The following NSUN6 variants were observed in gnomAD, a reference collection of about 807,000 sequenced individuals.
NSUN6 encodes the protein NOP2/Sun RNA methyltransferase 6.
In NSUN6, 64 loss-of-function variants were observed where a neutral mutation model predicts 58.0. The observed-to-expected ratio is 1.10, with a 90% CI of 0.90 to 1.36. The LOEUF is 1.36. Among genes scored for constraint, NSUN6 ranks in the 40% most tolerant of loss-of-function variants. The pLI, the probability that NSUN6 is intolerant of heterozygous loss-of-function variation, is 0.00. For missense variants in NSUN6, 701 were observed against 550.1 expected (o/e 1.27, Z -2.74); for synonymous variants, 231 against 193.9 (o/e 1.19, Z -1.59).
At chr10:18,591,630 C>G (rs1166237110) in intron 7 of NSUN6, among the ~76,000 whole-genome samples, 1 of 152,188 alleles carries the variant, frequency 6.6e-6, no homozygotes, top group Non-Finnish European at 1.5e-5. Context: ...ACATGATTAT[C>G]TCAATAGATA....
chr10:18,582,524 G>A (rs2056951432), intron 8 of NSUN6, among the ~76,000 whole-genome samples: 1 of 152,206 alleles, frequency 6.6e-6, no homozygotes, highest in Non-Finnish European at 1.5e-5. Context: ...GAGACAGCGA[G>A]AAGAGCCTTC....
At chr10:18,618,330 C>T (rs1254992825) in intron 3 of NSUN6, among the ~76,000 whole-genome samples, 2 of 152,112 alleles carry the variant, frequency 1.3e-5, no homozygotes, top group Non-Finnish European at 2.9e-5. Context: ...GGTCATTACA[C>T]TTGTGATTAT....
In NSUN6 at chr10:18,546,047, C is replaced by T. The variant is rs1187278385; in HGVS notation, c.1296G>A (p.Pro432=). 8.7e-6 allele frequency: 14 copies of T among 1,602,160 alleles called. No individual in the cohort carries two copies. The highest frequency in any genetic ancestry group is 4.5e-5 in the East Asian group (2 of 44,788). Reference sequence around the variant, plus strand: ...CTCTAAGAGAGTCCATGTCAGTGTCCGGTAATGGCACAGCCGATGGATCAA... The same window carrying T: ...CTCTAAGAGAGTCCATGTCAGTGTCTGGTAATGGCACAGCCGATGGATCAA... ...QRFDPSAVPL[P]DTDMDSLREA... is the part of the protein sequence containing the mutation. The change falls in exon 11 of 11, where the codon CCG becomes CCA. Residue 432 remains proline (P), a synonymous_variant. Transcript: ENST00000377304.
At chr10:18,625,878 G>A (rs2058783377) in intron 3 of NSUN6, among the ~76,000 whole-genome samples, 1 of 152,000 alleles carries the variant, frequency 6.6e-6, no homozygotes, top group African/African-American at 2.4e-5. Context: ...AGTTTTTGGT[G>A]GGCCTTAGAT....
rs1185692398 is a variant in NSUN6 at position 18,650,989 on chromosome 10, T to C, written c.75+140A>G. The C allele has an allele frequency of 7.9e-6, 7 of 885,674 alleles. No individual in the cohort carries two copies. The East Asian group carries it at 1.1e-4, about 14-fold the overall frequency. 54.9% of individuals were successfully genotyped at this position (885,674 alleles called of 1,614,324 possible). ...AAGCTTTAATACCTGTAGAAACATA[T>C]TGGTATTTTTACACTTGATAGACAA... On this transcript the variant is annotated intron_variant, in intron 1 of 10. Coordinates refer to ENST00000377304, the MANE Select transcript of NSUN6 (RefSeq NM_182543.5).
chr10:18,647,412 T>C (rs953714079), intron 2 of NSUN6, among the ~76,000 whole-genome samples: 10 of 152,192 alleles, frequency 6.6e-5, no homozygotes, highest in Non-Finnish European at 1.3e-4. Context: ...CAGCATCTAT[T>C]CTTCTACATC....
intron 6 of NSUN6, among the ~76,000 whole-genome samples, chr10:18,605,992 G>C (rs922217950): frequency 3.0e-4 from 46 of 152,144 alleles, no homozygotes; most frequent in Admixed American, 9.8e-4. Flanking sequence ...AAGTGAGATT[G>C]CTGGATCAGA....
At chr10:18,608,349 A>G (rs978302046) in intron 6 of NSUN6, among the ~76,000 whole-genome samples, 13 of 152,188 alleles carry the variant, frequency 8.5e-5, no homozygotes, top group Admixed American at 3.3e-4. Context: ...TCAAAACTAA[A>G]TAATGACCAG....
chr10:18,585,684 G>C (rs920970533), intron 8 of NSUN6, among the ~76,000 whole-genome samples: 5 of 152,136 alleles, frequency 3.3e-5, no homozygotes, highest in African/African-American at 1.2e-4. Flanking sequence ...ACTGTTCAAA[G>C]GGTACAAAGT....
chr10:18,586,215 C>G, intron 7 of NSUN6, 122 bp from the exon 8 acceptor site: 3 of 744,170 alleles, frequency 4.0e-6, no homozygotes, highest in Non-Finnish European at 6.2e-6. Context: ...ACTCCCATCC[C>G]TAATTTAAAA....
At chr10:18,630,098 C>T (rs910713049) in intron 3 of NSUN6, among the ~76,000 whole-genome samples, 2 of 140,316 alleles carry the variant, frequency 1.4e-5, no homozygotes, top group East Asian at 2.1e-4. Flanking sequence ...GGATTAAGAA[C>T]CTCACTCAAA....
intron 7 of NSUN6, among the ~76,000 whole-genome samples, chr10:18,592,439 C>G (rs956862022): frequency 6.6e-6 from 1 of 152,178 alleles, no homozygotes; most frequent in African/African-American, 2.4e-5. Flanking sequence ...AAGAACAATG[C>G]TGGAGGCATC....
chr10:18,639,287 G>C (rs1005944407), intron 3 of NSUN6, among the ~76,000 whole-genome samples: 6 of 152,166 alleles, frequency 3.9e-5, no homozygotes, highest in African/African-American at 1.4e-4. Flanking sequence ...GAAGTCAGAA[G>C]TTGGAAACCA....
chr10:18,644,332 C>T lies in NSUN6; in HGVS notation c.232-1777G>A, dbSNP rs139218827. ...GACATGATGCCAGAAGTAGAAAATT[C>T]CATACTTGACCCAGACTGGTCAAAG... On this transcript the variant is annotated intron_variant, in intron 2 of 10. Coordinates refer to ENST00000377304, the MANE Select transcript of NSUN6 (RefSeq NM_182543.5). Among the ~76,000 whole-genome samples, 672 of 152,258 alleles carry T rather than the reference C, an allele frequency of 4.4e-3. 5 individuals are homozygous for T. Among genetic ancestry groups the T allele is most frequent in the African/African-American group, 0.015 (633 of 41,526 alleles).
chr10:18,626,303 G>T (rs1335216691), intron 3 of NSUN6, among the ~76,000 whole-genome samples: 1 of 151,580 alleles, frequency 6.6e-6, no homozygotes, highest in African/African-American at 2.4e-5. Context: ...ACTTTGGGAG[G>T]CCGAGGAGGG....
chr10:18,653,189 T>C, upstream of NSUN6: 1 of 984,726 alleles, frequency 1.0e-6, no homozygotes, highest in Non-Finnish European at 1.2e-6. Flanking sequence ...TCCACAAGGA[T>C]AGAGACTTTA....
chr10:18,627,668 T>A (rs970887582), intron 3 of NSUN6, among the ~76,000 whole-genome samples: 1 of 152,140 alleles, frequency 6.6e-6, no homozygotes, highest in Non-Finnish European at 1.5e-5. Flanking sequence ...CCTGGAAAAT[T>A]GGGTCACTCC....
intron 6 of NSUN6, among the ~76,000 whole-genome samples, chr10:18,600,989 T>C (rs2057815723): frequency 3.0e-5 from 4 of 134,160 alleles, no homozygotes; most frequent in African/African-American, 5.6e-5. Context: ...TATATATATA[T>C]ATATTATATA....
chr10:18,563,072 G>T (rs1167508808), intron 8 of NSUN6, among the ~76,000 whole-genome samples: 1 of 150,504 alleles, frequency 6.6e-6, no homozygotes, highest in Non-Finnish European at 1.5e-5. Context: ...GAATGGAATG[G>T]AACAGAGAAT....
Sources: gnomAD v4.1 joint callset for allele counts (sites outside exome capture counted in the v4.1 genomes callset) on GRCh38, gnomAD v4.1.1 for gene constraint, MANE v1.5 for transcripts, NCBI Gene and HGNC (gene_info 2026-07-23, HGNC 2026-07-21) for gene names.